Variants in SLC30A8 observed in about 807,000 individuals in gnomAD.
The protein encoded by SLC30A8 is solute carrier family 30 member 8.
In SLC30A8, 27 loss-of-function variants were observed where a neutral mutation model predicts 36.9. The observed-to-expected ratio is 0.73, with a 90% CI of 0.54 to 1.01. SLC30A8 has a LOEUF of 1.01. SLC30A8 is among the 50% of genes least tolerant of loss of function. SLC30A8 has a pLI of 0.00. For synonymous variants in SLC30A8, 164 were observed against 172.4 expected, an observed-to-expected ratio of 0.95 and a Z score of 0.38; for missense variants, 439 against 452.0, an observed-to-expected ratio of 0.97 and a Z score of 0.26.
chr8:117,101,149 A>G (rs1819700244), intron 2 of SLC30A8, among the ~76,000 whole-genome samples: 1 of 152,128 alleles, frequency 6.6e-6, no homozygotes, highest in Non-Finnish European at 1.5e-5. Context: ...TCCCCTACCC[A>G]TGAACCCATA....
At chr8:116,971,047 A>G (rs1375384782) in intron 1 of SLC30A8, among the ~76,000 whole-genome samples, 1 of 152,192 alleles carries the variant, frequency 6.6e-6, no homozygotes, top group East Asian at 1.9e-4. Context: ...GTGATCTGGG[A>G]TCACGCCACT....
intron 2 of SLC30A8, among the ~76,000 whole-genome samples, chr8:117,089,306 G>T (rs951801852): frequency 6.6e-6 from 1 of 152,128 alleles, no homozygotes; most frequent in Non-Finnish European, 1.5e-5. Flanking sequence ...CTACCCAATA[G>T]TTCAGCATGG....
chr8:117,004,552 C>G (rs1816111736), intron 1 of SLC30A8, among the ~76,000 whole-genome samples: 1 of 152,078 alleles, frequency 6.6e-6, no homozygotes, highest in Non-Finnish European at 1.5e-5. Flanking sequence ...CTGACTCCTT[C>G]TCGGAGGATA....
intron 7 of SLC30A8, 85 bp downstream of exon 7, chr8:117,171,253 C>A (rs1823369177): frequency 7.1e-7 from 1 of 1,410,120 alleles, no homozygotes; most frequent in Non-Finnish European, 1.0e-6. Flanking sequence ...GTAGAGCTGC[C>A]CTTATTGTCT....
chr8:117,070,652 G>T (rs532891920), intron 2 of SLC30A8, among the ~76,000 whole-genome samples: 6 of 152,182 alleles, frequency 3.9e-5, no homozygotes, highest in African/African-American at 9.6e-5. Context: ...ATTGACTTTA[G>T]TCATCCTGTT....
intron 1 of SLC30A8, chr8:117,146,694 A>G (rs1821911296): frequency 1.9e-6 from 1 of 530,160 alleles, no homozygotes; most frequent in Admixed American, 3.8e-5. Flanking sequence ...TATTCCTTTG[A>G]TATCTCTTAA....
At chr8:117,116,875 G>A (rs1408867393) in intron 2 of SLC30A8, among the ~76,000 whole-genome samples, 2 of 152,024 alleles carry the variant, frequency 1.3e-5, no homozygotes, top group Non-Finnish European at 2.9e-5. Context: ...ATGCAAGTAT[G>A]AGTCAAGGTT....
At chr8:116,981,112 G>C (rs1300581809) in intron 1 of SLC30A8, among the ~76,000 whole-genome samples, 2 of 152,150 alleles carry the variant, frequency 1.3e-5, no homozygotes, top group African/African-American at 2.4e-5. Flanking sequence ...TAAATGGTTG[G>C]ACTGAAGGAT....
chr8:117,061,362 C>T (rs1382824113), intron 2 of SLC30A8, among the ~76,000 whole-genome samples: 1 of 152,228 alleles, frequency 6.6e-6, no homozygotes, highest in African/African-American at 2.4e-5. Flanking sequence ...GCAAACCCAG[C>T]CAGATAGGCT....
intron 1 of SLC30A8, among the ~76,000 whole-genome samples, chr8:116,976,828 T>TCTTTCTTTCTTTC (rs1563731085): frequency 6.8e-6 from 1 of 146,102 alleles, no homozygotes; most frequent in African/African-American, 2.7e-5. Flanking sequence ...CTTTCTTTTT[T>TCTTTCTTTCTTTC]TTTTTTTTTT....
rs1820111932 is a variant in SLC30A8, at chr8:117,108,958, TA to T, written c.-225-26321del. Among the ~76,000 whole-genome samples, 8 of 152,346 alleles carry T rather than the reference TA, an allele frequency of 5.3e-5. No individual in the cohort carries two copies. The South Asian group carries it at 1.7e-3, about 32-fold the overall frequency. On this transcript the variant is annotated intron_variant, in intron 2 of 10. Coordinates refer to the SLC30A8 transcript ENST00000427715. ...TTGGAATACTTTCTTTCCTTTGTGC[TA>T]GTTTTGCTCTCTGGCAGGCTTTTCT... is the stretch of plus-strand genomic sequence containing the variant.
At chr8:117,163,614 C>A (rs915134250) in intron 6 of SLC30A8, 84 bp downstream of exon 6, 1 of 950,386 alleles carries the variant, frequency 1.1e-6, no homozygotes, top group Non-Finnish European at 1.5e-6. Flanking sequence ...AAGGCATGCT[C>A]ACTGTTAATT....
intron 2 of SLC30A8, among the ~76,000 whole-genome samples, chr8:117,099,507 T>C (rs980907018): frequency 2.6e-5 from 4 of 152,128 alleles, no homozygotes; most frequent in Non-Finnish European, 5.9e-5. Context: ...TGATGGGAGA[T>C]CTAGAGGTAG....
intron 3 of SLC30A8, 21 bp downstream of exon 3, chr8:117,153,111 A>G: frequency 1.3e-6 from 2 of 1,547,300 alleles, no homozygotes; most frequent in Non-Finnish European, 1.8e-6. Context: ...TAGAGTGAGC[A>G]ATAACAGCAG....
At chr8:117,005,118 A>G (rs1308600827) in intron 1 of SLC30A8, among the ~76,000 whole-genome samples, 1 of 152,170 alleles carries the variant, frequency 6.6e-6, no homozygotes, top group African/African-American at 2.4e-5. Context: ...TTATAATTAT[A>G]CCCTTGAAAG....
intron 2 of SLC30A8, among the ~76,000 whole-genome samples, chr8:117,118,184 A>G (rs1197495077): frequency 6.6e-6 from 1 of 151,172 alleles, no homozygotes; most frequent in Admixed American, 6.6e-5. Context: ...CTCAAAAAAA[A>G]AAAAAAAAAC....
chr8:117,017,774 G>A (rs1816565267), intron 1 of SLC30A8, among the ~76,000 whole-genome samples: 1 of 152,338 alleles, frequency 6.6e-6, no homozygotes, highest in Middle Eastern at 3.4e-3. Context: ...TTCTGGGTTG[G>A]AGGAGAAGAT....
intron 2 of SLC30A8, among the ~76,000 whole-genome samples, chr8:117,105,847 A>AAACT (rs1320309337): frequency 6.6e-6 from 1 of 152,172 alleles, no homozygotes; most frequent in African/African-American, 2.4e-5. Context: ...TTGACACATA[A>AAACT]AACTGCACGT....
chr8:117,013,728 G>A (rs56995022), intron 1 of SLC30A8, among the ~76,000 whole-genome samples: 7,178 of 152,102 alleles, frequency 0.047, 532 homozygotes, highest in African/African-American at 0.16. Context: ...AGAGGTGAAG[G>A]AATGAAGAGT....
Sources: gnomAD v4.1 joint callset for allele counts (sites outside exome capture counted in the v4.1 genomes callset) on GRCh38, gnomAD v4.1.1 for gene constraint, MANE v1.5 for transcripts, NCBI Gene and HGNC (gene_info 2026-07-23, HGNC 2026-07-21) for gene names.